The following ANKRD28 variants were observed in gnomAD, a reference collection of about 807,000 sequenced individuals.
ANKRD28 encodes the protein ankyrin repeat domain 28, also known as serine/threonine-protein phosphatase 6 regulatory ankyrin repeat subunit A.
Under a neutral mutation model 126.5 loss-of-function variants are expected in ANKRD28, and 44 were observed. The observed-to-expected ratio is 0.35, with a 90% CI of 0.27 to 0.45. The LOEUF is 0.45. Among genes scored for constraint, ANKRD28 ranks in the 20% least tolerant of loss-of-function variants. The pLI, the probability that ANKRD28 is intolerant of heterozygous loss-of-function variation, is 1.00. For missense variants in ANKRD28, 1,110 were observed against 1,316.6 expected (o/e 0.84, Z 2.43); for synonymous variants, 442 against 468.5 (o/e 0.94, Z 0.73).
intron 1 of ANKRD28, among the ~76,000 whole-genome samples, chr3:15,847,436 G>C (rs2061552711): frequency 6.6e-6 from 1 of 151,976 alleles, no homozygotes; most frequent in African/African-American, 2.4e-5. Context: ...CTCATTCCTT[G>C]AGTGACCTCA....
At chr3:15,852,607 G>A (rs544704912) in intron 1 of ANKRD28, among the ~76,000 whole-genome samples, 1 of 151,838 alleles carries the variant, frequency 6.6e-6, no homozygotes, top group Non-Finnish European at 1.5e-5. Flanking sequence ...GCCGAGGCGG[G>A]CGGATCACGA....
intron 21 of ANKRD28, 120 bp downstream of exon 21, chr3:15,685,106 T>C (rs2067959660): frequency 1.0e-6 from 1 of 960,014 alleles, no homozygotes; most frequent in Non-Finnish European, 1.6e-6. Context: ...CGTGAGCCTA[T>C]ACAGTAGATT....
chr3:15,695,082 A>G, intron 16 of ANKRD28, 106 bp downstream of exon 16: 1 of 938,858 alleles, frequency 1.1e-6, no homozygotes, highest in African/African-American at 1.6e-5. Context: ...TTTGTGCCTA[A>G]TATGTAAAAA....
intron 4 of ANKRD28, among the ~76,000 whole-genome samples, chr3:15,742,425 C>T (rs1297423080): frequency 2.7e-5 from 4 of 149,196 alleles, no homozygotes; most frequent in Non-Finnish European, 4.5e-5. Flanking sequence ...TCTACCTGGC[C>T]GCGACCCCGT....
rs1482726600 is a variant in ANKRD28, at chr3:15,830,406, C to T, written c.27+28971G>A. On this transcript the variant is annotated intron_variant, in intron 1 of 27. Coordinates refer to the ANKRD28 transcript ENST00000399451. This position sits in a 1 kb window ranked among gnomAD's most constrained non-coding sequence, Gnocchi z 4.5. ...TGAGCAGCGGGCAAGCAAGCATTAC[C>T]ACCTCAACTCTGACTCCTGTCAGAG... Among the ~76,000 whole-genome samples, 1 of 151,900 alleles carries T rather than the reference C, an allele frequency of 6.6e-6. No homozygotes were observed. Among genetic ancestry groups the T allele is most frequent in the African/African-American group, 2.4e-5 (1 of 41,220 alleles).
intron 26 of ANKRD28, 79 bp from the exon 27 acceptor site, chr3:15,676,068 C>G: frequency 8.2e-7 from 1 of 1,217,828 alleles, no homozygotes; most frequent in Non-Finnish European, 1.1e-6. Context: ...TGTCAAAGAG[C>G]ATTTTTGTCA....
At chr3:15,756,565 A>G in intron 3 of ANKRD28, 1 of 948,022 alleles carries the variant, frequency 1.1e-6, no homozygotes, top group Non-Finnish European at 1.3e-6. Flanking sequence ...GGTTAGTGGA[A>G]GGAACACTGG....
intron 1 of ANKRD28, among the ~76,000 whole-genome samples, chr3:15,848,922 C>A (rs1163915657): frequency 2.6e-5 from 4 of 152,172 alleles, no homozygotes; most frequent in Admixed American, 6.5e-5. Flanking sequence ...GCAAAATTAT[C>A]TCTAGTCACG....
At chr3:15,731,874 A>AAAAAAAAG (rs1553610861) in intron 6 of ANKRD28, 3 of 59,080 alleles carry the variant, frequency 5.1e-5, no homozygotes, top group African/African-American at 1.5e-4. Flanking sequence ...AAAAAAAAAA[A>AAAAAAAAG]GGGGGGGGGG....
chr3:15,848,502 C>A (rs181843711), intron 1 of ANKRD28, among the ~76,000 whole-genome samples: 35 of 151,942 alleles, frequency 2.3e-4, no homozygotes, highest in African/African-American at 8.4e-4. Flanking sequence ...GAGGGAGACC[C>A]ATCTCTACAA....
chr3:15,764,988 T>C (rs2058673963), intron 3 of ANKRD28, among the ~76,000 whole-genome samples: 1 of 151,710 alleles, frequency 6.6e-6, no homozygotes, highest in East Asian at 1.9e-4. Context: ...AACTCTGGGC[T>C]ATTATTTAAC....
intron 14 of ANKRD28, among the ~76,000 whole-genome samples, chr3:15,707,160 G>A (rs1369525960): frequency 6.6e-6 from 1 of 151,954 alleles, no homozygotes; most frequent in Non-Finnish European, 1.5e-5. Flanking sequence ...ACTTATTTCT[G>A]CCAATGGTAT....
chr3:15,841,984 T>C (rs2061431468), intron 1 of ANKRD28, among the ~76,000 whole-genome samples: 1 of 151,394 alleles, frequency 6.6e-6, no homozygotes, highest in Non-Finnish European at 1.5e-5. Context: ...TGCACTCCCA[T>C]GTTATTATAT....
At chr3:15,769,593 A>G (rs1317598308) in intron 2 of ANKRD28, among the ~76,000 whole-genome samples, 1 of 152,208 alleles carries the variant, frequency 6.6e-6, no homozygotes, top group East Asian at 1.9e-4. Flanking sequence ...TCTTTATTTA[A>G]CTGACTCACA....
At chr3:15,697,799 A>T (rs1310476079) in intron 14 of ANKRD28, among the ~76,000 whole-genome samples, 1 of 152,204 alleles carries the variant, frequency 6.6e-6, no homozygotes, top group Non-Finnish European at 1.5e-5. Context: ...TAGTTTCAGA[A>T]GGAATGGTAC....
chr3:15,673,043 C>T (rs1207637993), intron 27 of ANKRD28, among the ~76,000 whole-genome samples: 1 of 152,176 alleles, frequency 6.6e-6, no homozygotes, highest in East Asian at 1.9e-4. Context: ...TCCCAAAGTG[C>T]TAGGACCATA....
intron 1 of ANKRD28, among the ~76,000 whole-genome samples, chr3:15,848,324 T>C (rs1182960330): frequency 1.3e-5 from 2 of 152,194 alleles, no homozygotes; most frequent in Admixed American, 1.3e-4. Flanking sequence ...TCCTAAACTT[T>C]CATTATACCC....
intron 2 of ANKRD28, among the ~76,000 whole-genome samples, chr3:15,785,204 TGAA>T (rs2059717075): frequency 6.6e-6 from 1 of 152,102 alleles, no homozygotes; most frequent in African/African-American, 2.4e-5. Flanking sequence ...GCATGTTCAA[TGAA>T]GAAGAATCGA....
At chr3:15,785,171 A>G (rs552184977) in intron 2 of ANKRD28, among the ~76,000 whole-genome samples, 2 of 152,258 alleles carry the variant, frequency 1.3e-5, no homozygotes, top group Non-Finnish European at 2.9e-5. Flanking sequence ...TTTGGGGATG[A>G]CCTTTTAGAT....
Sources: allele counts gnomAD v4.1 joint callset (sites outside exome capture counted in the v4.1 genomes callset), GRCh38; gene constraint gnomAD v4.1.1; non-coding constraint Gnocchi (gnomAD v3.1); transcripts MANE v1.5; gene names NCBI Gene and HGNC (gene_info 2026-07-23, HGNC 2026-07-21).